GALNT17: variants seen among roughly 807,000 people sequenced by gnomAD.
The protein encoded by GALNT17 is polypeptide N-acetylgalactosaminyltransferase 17.
GALNT17 carries 29 observed loss-of-function variants against 63.7 expected under a neutral mutation model. The ratio of observed to expected loss-of-function variants is 0.46; its 90% CI spans 0.34 to 0.62. The LOEUF is 0.62. Ranked by LOEUF, GALNT17 falls within the 20% of genes least tolerant of loss-of-function variation. The pLI is 0.01. For synonymous variants in GALNT17, 305 were observed against 318.3 expected (o/e 0.96, Z 0.45); for missense variants, 603 against 799.6 (o/e 0.75, Z 2.97).
At chr7:71,341,116 G>A (rs1583874666) in intron 2 of GALNT17, among the ~76,000 whole-genome samples, 1 of 152,260 alleles carries the variant, frequency 6.6e-6, no homozygotes, top group East Asian at 1.9e-4. Flanking sequence ...TCAGAAGGCT[G>A]TGACAGTAGG....
At chr7:71,329,247 G>A (rs967960886) in intron 1 of GALNT17, among the ~76,000 whole-genome samples, 8 of 152,156 alleles carry the variant, frequency 5.3e-5, no homozygotes, top group African/African-American at 1.9e-4. Flanking sequence ...GCTTGTGAGG[G>A]GAAGTTAGCA....
chr7:71,387,785 A>G (rs961008696), intron 2 of GALNT17, among the ~76,000 whole-genome samples: 1 of 152,086 alleles, frequency 6.6e-6, no homozygotes, highest in African/African-American at 2.4e-5. Context: ...ATGCGGGTAG[A>G]TGGCACAGGT....
chr7:71,519,220 C>T (rs907677493), intron 5 of GALNT17, among the ~76,000 whole-genome samples: 3 of 152,032 alleles, frequency 2.0e-5, no homozygotes, highest in Admixed American at 6.6e-5. Flanking sequence ...ATGCAGGATT[C>T]GAGAGGGGTA....
chr7:71,664,714 T>C (rs567591), intron 6 of GALNT17, among the ~76,000 whole-genome samples: 96,657 of 152,094 alleles, frequency 0.64, 31,682 homozygotes, highest in East Asian at 0.99. Flanking sequence ...CCATTCTACA[T>C]TGGCAGGGCG....
intron 1 of GALNT17, among the ~76,000 whole-genome samples, chr7:71,301,280 CTGCCTGAT>C (rs1241944649): frequency 4.0e-5 from 6 of 150,784 alleles, no homozygotes; most frequent in Non-Finnish European, 7.4e-5. Context: ...GAGTGAGACC[CTGCCTGAT>C]TACTTTTTTT....
chr7:71,516,470 G>A (rs1313089844), intron 5 of GALNT17, among the ~76,000 whole-genome samples: 2 of 152,134 alleles, frequency 1.3e-5, no homozygotes, highest in Non-Finnish European at 2.9e-5. Flanking sequence ...TGGAGGAGTT[G>A]ATTGCAGTAC....
intron 1 of GALNT17, among the ~76,000 whole-genome samples, chr7:71,229,622 C>T (rs1393446601): frequency 2.0e-5 from 3 of 152,302 alleles, no homozygotes; most frequent in African/African-American, 4.8e-5. Flanking sequence ...AGAGGAATCT[C>T]CCAGCAGTCT....
At chr7:71,411,713 A>G (rs1038066663) in intron 3 of GALNT17, among the ~76,000 whole-genome samples, 43 of 152,114 alleles carry the variant, frequency 2.8e-4, no homozygotes, top group African/African-American at 1.0e-3. Context: ...AGACAGCTGC[A>G]TCTGCAGGGA....
intron 1 of GALNT17, among the ~76,000 whole-genome samples, chr7:71,253,661 A>T (rs565646385): frequency 4.6e-5 from 7 of 152,034 alleles, no homozygotes; most frequent in African/African-American, 1.7e-4. Context: ...CACATCCTAA[A>T]CCTTGGCCAA....
chr7:71,654,667 C>A (rs895753699), intron 6 of GALNT17, among the ~76,000 whole-genome samples: 1 of 133,110 alleles, frequency 7.5e-6, no homozygotes, highest in East Asian at 2.7e-4. Flanking sequence ...TTCACTGTTA[C>A]GTTAAGAGAC....
At chr7:71,481,160 G>A (rs1477247237) in intron 5 of GALNT17, among the ~76,000 whole-genome samples, 1 of 152,112 alleles carries the variant, frequency 6.6e-6, no homozygotes, top group Non-Finnish European at 1.5e-5. Context: ...TGAAAGCTGG[G>A]TGTGGGCCGG....
chr7:71,282,372 A>C (rs757716117), intron 1 of GALNT17, among the ~76,000 whole-genome samples: 3 of 152,228 alleles, frequency 2.0e-5, no homozygotes, highest in Non-Finnish European at 4.4e-5. Context: ...ACACAGCAGA[A>C]TGAAGGAACA....
intron 1 of GALNT17, among the ~76,000 whole-genome samples, chr7:71,322,646 A>G (rs1443476838): frequency 6.6e-6 from 1 of 152,222 alleles, no homozygotes; most frequent in Non-Finnish European, 1.5e-5. Flanking sequence ...TGAAGCCCCA[A>G]GCCTCATTGT....
At chr7:71,669,554 T>C (rs1363121298) in intron 7 of GALNT17, among the ~76,000 whole-genome samples, 3 of 144,242 alleles carry the variant, frequency 2.1e-5, no homozygotes, top group East Asian at 2.1e-4. Context: ...ATACGAGGCT[T>C]AAGATCTTTT....
intron 9 of GALNT17, among the ~76,000 whole-genome samples, chr7:71,681,232 G>A (rs1048479977): frequency 1.3e-5 from 2 of 152,168 alleles, no homozygotes; most frequent in Non-Finnish European, 2.9e-5. Context: ...ATTTCTAGGT[G>A]ATGCTGATGC....
At chr7:71,566,506 C>T (rs183396557) in intron 5 of GALNT17, among the ~76,000 whole-genome samples, 119 of 152,182 alleles carry the variant, frequency 7.8e-4, no homozygotes, top group African/African-American at 2.6e-3. Context: ...ATGGAGCTAA[C>T]GCCGAGGACA....
chr7:71,149,058 G>T (rs1432126321), intron 1 of GALNT17, among the ~76,000 whole-genome samples: 2 of 151,690 alleles, frequency 1.3e-5, no homozygotes. Context: ...GGAACTCCAG[G>T]TACGTGCCAA....
intron 2 of GALNT17, among the ~76,000 whole-genome samples, chr7:71,368,480 C>T (rs1792556405): frequency 6.6e-6 from 1 of 152,180 alleles, no homozygotes; most frequent in African/African-American, 2.4e-5. Flanking sequence ...CTTACTCATG[C>T]TTCATGACCC....
intron 6 of GALNT17, among the ~76,000 whole-genome samples, chr7:71,626,928 C>T (rs948361011): frequency 3.3e-5 from 5 of 152,172 alleles, no homozygotes; most frequent in African/African-American, 1.2e-4. Flanking sequence ...ATGGCCAGGA[C>T]TGGGCGCCCC....
Sources: gnomAD v4.1 joint callset for allele counts (sites outside exome capture counted in the v4.1 genomes callset) on GRCh38, gnomAD v4.1.1 for gene constraint, MANE v1.5 for transcripts, NCBI Gene and HGNC (gene_info 2026-07-23, HGNC 2026-07-21) for gene names.